FOXP2: variants seen among roughly 807,000 people sequenced by gnomAD.
The protein encoded by FOXP2 is forkhead box P2.
FOXP2 carries 12 observed loss-of-function variants against 115.8 expected under a neutral mutation model. That is an observed-to-expected ratio of 0.10 (90% confidence interval 0.07 to 0.17). The LOEUF (loss-of-function observed/expected upper bound fraction) is 0.17. FOXP2 is among the 10% of genes least tolerant of loss of function. The pLI is 1.00. For missense variants in FOXP2, 629 were observed against 843.5 expected, an observed-to-expected ratio of 0.75 and a Z score of 3.15; for synonymous variants, 328 against 297.7, an observed-to-expected ratio of 1.10 and a Z score of -1.05.
Position 114,446,108 on chromosome 7 carries a change from A to G in FOXP2, c.168+19429A>G, listed in dbSNP as rs79411771. Among the ~76,000 whole-genome samples the G allele has an allele frequency of 9.5e-3, 1,439 of 152,162 alleles. 19 individuals are homozygous for G. The highest frequency in any genetic ancestry group is 0.032 in the African/African-American group (1,337 of 41,560). On this transcript the variant is annotated intron_variant, in intron 2 of 16. Coordinates refer to ENST00000350908, the MANE Select transcript of FOXP2 (RefSeq NM_014491.4). ...ATATTTTTAGAGCACTTTTAACATCATTTTAAAATGTGTAGATTTTTGTCA... is the reference window on the plus strand; with the variant it reads ...ATATTTTTAGAGCACTTTTAACATCGTTTTAAAATGTGTAGATTTTTGTCA...
chr7:114,253,923 G>C (rs1795523940), intron 1 of FOXP2, among the ~76,000 whole-genome samples: 1 of 152,154 alleles, frequency 6.6e-6, no homozygotes, highest in African/African-American at 2.4e-5. Context: ...TTTTGCAGTG[G>C]CTGGTACCAG....
chr7:114,211,779 A>T (rs569959772), intron 1 of FOXP2, among the ~76,000 whole-genome samples: 1 of 152,204 alleles, frequency 6.6e-6, no homozygotes, highest in African/African-American at 2.4e-5. Context: ...CTTTAAAAAT[A>T]TAATTTGTTT....
chr7:114,191,665 A>C (rs1431319693), intron 1 of FOXP2, among the ~76,000 whole-genome samples: 3 of 152,204 alleles, frequency 2.0e-5, no homozygotes, highest in Non-Finnish European at 2.9e-5. Flanking sequence ...TTGTAAGTAC[A>C]GAGTTTCCAT....
intron 3 of FOXP2, among the ~76,000 whole-genome samples, chr7:114,550,267 T>G (rs992773222): frequency 1.3e-5 from 2 of 151,598 alleles, no homozygotes; most frequent in African/African-American, 2.4e-5. Context: ...ACAGGCGCCC[T>G]CCACCACGCC....
At chr7:114,605,701 G>A (rs1803282074) in intron 3 of FOXP2, among the ~76,000 whole-genome samples, 1 of 152,188 alleles carries the variant, frequency 6.6e-6, no homozygotes, top group South Asian at 2.1e-4. Context: ...AACTAACCTG[G>A]TGGAAAGCAT....
chr7:114,552,857 C>G (rs1445545379), intron 3 of FOXP2, among the ~76,000 whole-genome samples: 3 of 152,036 alleles, frequency 2.0e-5, no homozygotes, highest in Non-Finnish European at 4.4e-5. Flanking sequence ...GTGAAAATTG[C>G]TTTTCTCACA....
intron 1 of FOXP2, among the ~76,000 whole-genome samples, chr7:114,152,210 C>A (rs903280296): frequency 6.6e-6 from 1 of 152,054 alleles, no homozygotes; most frequent in Non-Finnish European, 1.5e-5. Flanking sequence ...AATGATGAAA[C>A]AAATTGTTCC....
intron 3 of FOXP2, among the ~76,000 whole-genome samples, chr7:114,581,220 G>C (rs1330471224): frequency 1.3e-5 from 2 of 151,190 alleles, no homozygotes; most frequent in African/African-American, 4.9e-5. Flanking sequence ...GTCTGGCTCT[G>C]TCACCCAGGC....
intron 2 of FOXP2, among the ~76,000 whole-genome samples, chr7:114,368,552 C>A (rs1467085755): frequency 6.6e-6 from 1 of 152,116 alleles, no homozygotes; most frequent in Non-Finnish European, 1.5e-5. Flanking sequence ...AGAAGGGTGG[C>A]AGAACAAGTG....
At chr7:114,124,865 C>A (rs1791663754) in intron 1 of FOXP2, among the ~76,000 whole-genome samples, 1 of 152,028 alleles carries the variant, frequency 6.6e-6, no homozygotes, top group Non-Finnish European at 1.5e-5. Context: ...GTGTAAGACA[C>A]CTGTGATAAT....
At chr7:114,295,402 T>C (rs908909418) in intron 2 of FOXP2, among the ~76,000 whole-genome samples, 1 of 152,222 alleles carries the variant, frequency 6.6e-6, no homozygotes, top group Non-Finnish European at 1.5e-5. Context: ...CTGATTGTTT[T>C]GTGGTTAAAA....
chr7:114,122,618 CT>C (rs1488622904), intron 1 of FOXP2, among the ~76,000 whole-genome samples: 1 of 151,894 alleles, frequency 6.6e-6, no homozygotes, highest in Admixed American at 6.6e-5. Flanking sequence ...CAGCTATTCT[CT>C]GTGGGCTGTC....
Position 114,690,529 on chromosome 7 carries a change from A to G in FOXP2, c.*603A>G, listed in dbSNP as rs1166646634. ...CTGTAAATGACATAAGTTAGTTATTACAAAACACAGTAATTAGACTGTTGC... is the reference window on the plus strand; with the variant it reads ...CTGTAAATGACATAAGTTAGTTATTGCAAAACACAGTAATTAGACTGTTGC... On this transcript the variant is annotated 3_prime_UTR_variant, in exon 17 of 17. Transcript: ENST00000350908. The G allele has an allele frequency of 2.2e-6, 1 of 454,112 alleles. No homozygotes were observed. Among genetic ancestry groups the G allele is most frequent in the South Asian group, 1.6e-5 (1 of 64,476 alleles). 28.1% of individuals were successfully genotyped at this position (454,112 alleles called of 1,614,324 possible).
At chr7:114,517,461 C>A (rs1445975947) in intron 2 of FOXP2, among the ~76,000 whole-genome samples, 1 of 152,092 alleles carries the variant, frequency 6.6e-6, no homozygotes, top group African/African-American at 2.4e-5. Context: ...TCTTCTAGTG[C>A]AGTTTTTTAT....
chr7:114,508,343 A>G (rs1797922013), intron 2 of FOXP2, among the ~76,000 whole-genome samples: 1 of 152,078 alleles, frequency 6.6e-6, no homozygotes. Context: ...AGAGTGATTC[A>G]TTCATTTAGC....
At chr7:114,562,064 C>T (rs954771060) in intron 3 of FOXP2, among the ~76,000 whole-genome samples, 1 of 152,136 alleles carries the variant, frequency 6.6e-6, no homozygotes, top group African/African-American at 2.4e-5. Flanking sequence ...TATAGCCCAC[C>T]ACCACCTCCA....
At chr7:114,177,122 T>A (rs1793337619) in intron 1 of FOXP2, among the ~76,000 whole-genome samples, 1 of 152,178 alleles carries the variant, frequency 6.6e-6, no homozygotes, top group African/African-American at 2.4e-5. Context: ...TTTGTTTTCC[T>A]GTGTTTGGCT....
intron 1 of FOXP2, among the ~76,000 whole-genome samples, chr7:114,234,182 G>A (rs1206565357): frequency 6.6e-6 from 1 of 152,064 alleles, no homozygotes; most frequent in Non-Finnish European, 1.5e-5. Flanking sequence ...TTTTAAGTGA[G>A]GTTGATACAT....
chr7:114,398,310 G>GA (rs1200977479), intron 2 of FOXP2, among the ~76,000 whole-genome samples: 1 of 151,782 alleles, frequency 6.6e-6, no homozygotes, highest in Non-Finnish European at 1.5e-5. Context: ...TCTTATATTG[G>GA]AAAAAATACT....
Sources: allele counts gnomAD v4.1 joint callset (sites outside exome capture counted in the v4.1 genomes callset), GRCh38; gene constraint gnomAD v4.1.1; transcripts MANE v1.5; gene names NCBI Gene and HGNC (gene_info 2026-07-23, HGNC 2026-07-21).